The following VWDE variants were observed in gnomAD, a reference collection of about 807,000 sequenced individuals.
The protein encoded by VWDE is von Willebrand factor D and EGF domains.
A neutral mutation model predicts 178.4 loss-of-function variants in VWDE; 207 were observed. The observed-to-expected ratio is 1.16, with a 90% CI of 1.04 to 1.30. VWDE has a LOEUF of 1.30. Among genes scored for constraint, VWDE ranks in the 50% most tolerant of loss-of-function variants. VWDE has a pLI of 0.00. For missense variants in VWDE, 2,287 were observed against 1,901.3 expected (o/e 1.20, Z -3.77); for synonymous variants, 738 against 651.4 (o/e 1.13, Z -2.02).
chr7:12,333,012 TTG>T (rs781469507), intron 28 of VWDE, among the ~76,000 whole-genome samples: 1 of 152,220 alleles, frequency 6.6e-6, no homozygotes, highest in Non-Finnish European at 1.5e-5. Context: ...AGAACTACCC[TTG>T]TGTGTATAGG....
Position 12,336,234 on chromosome 7 carries a change from T to C in VWDE, c.4561A>G (p.Ile1521Val), listed in dbSNP as rs1487087332. The change falls in exon 27 of 29, where the codon ATC (isoleucine) becomes GTC (valine). Residue 1521 changes from isoleucine (I) to valine (V), a missense_variant and splice_region_variant. Ile to Val is a conservative substitution (Grantham distance 29, BLOSUM62 3). Transcript: ENST00000275358. ...CCGTTTTTACATTTCTGCAAGCAGA[T>C]AGCTGCCAATCGAAATATAAACAAG... The part of the protein sequence containing the change: ...GWSGKRCNTP[I>V]CLQKCKNGGE... 1 of 1,550,832 alleles carries C rather than the reference T, an allele frequency of 6.4e-7. No homozygotes were observed. The highest frequency in any genetic ancestry group is 1.2e-5 in the South Asian group (1 of 83,958).
chr7:12,387,167 A>G (rs1784142572), intron 3 of VWDE, among the ~76,000 whole-genome samples: 1 of 152,178 alleles, frequency 6.6e-6, no homozygotes, highest in Non-Finnish European at 1.5e-5. Flanking sequence ...TTATATGTTG[A>G]GAACATTGTC....
At position 12,337,069 on chromosome 7, in the gene VWDE, T is replaced by A; in HGVS notation, c.4477A>T (p.Thr1493Ser). Reference sequence around the variant, plus strand: ...ACACATTTTCCTCCATTCATGCACGTAGGATCACAGATGCCTTAAGGTAAA... The same window carrying A: ...ACACATTTTCCTCCATTCATGCACGAAGGATCACAGATGCCTTAAGGTAAA... The part of the protein sequence containing the change: ...RRFQKSICDP[T>S]CMNGGKCVGP... The change falls in exon 26 of 29, where the codon ACG becomes TCG. Residue 1493 changes from threonine to serine, a missense_variant. Transcript: ENST00000275358. 1 of 1,551,638 alleles carries A rather than the reference T, an allele frequency of 6.4e-7. No individual in the cohort carries two copies. Among genetic ancestry groups the A allele is most frequent in the East Asian group, 2.4e-5 (1 of 40,914 alleles).
intron 12 of VWDE, 64 bp from the exon 13 acceptor site, chr7:12,367,557 A>C: frequency 1.5e-6 from 2 of 1,307,686 alleles, no homozygotes; most frequent in Non-Finnish European, 2.0e-6. Flanking sequence ...AAAACTAATT[A>C]TTTCCAAGCC....
chr7:12,397,200 T>C (rs113993839), intron 1 of VWDE, among the ~76,000 whole-genome samples: 148 of 152,178 alleles, frequency 9.7e-4, no homozygotes, highest in Admixed American at 3.8e-3. Flanking sequence ...CTAAACATCA[T>C]AGTAGTCATT....
chr7:12,343,324 G>A (rs982906537), intron 21 of VWDE, 146 bp from the exon 22 acceptor site: 2 of 516,594 alleles, frequency 3.9e-6, no homozygotes, highest in Non-Finnish European at 6.9e-6. Context: ...TTAGTTCTGT[G>A]GGACTGACTA....
chr7:12,403,614 G>T (rs1412448506), intron 1 of VWDE, 45 bp downstream of exon 1: 12 of 1,519,176 alleles, frequency 7.9e-6, no homozygotes, highest in Non-Finnish European at 1.1e-5. Flanking sequence ...TACCGCCCAC[G>T]CGGCGCCACT....
chr7:12,351,888 T>C (rs1336663315), intron 18 of VWDE, among the ~76,000 whole-genome samples, 175 bp from the exon 19 acceptor site: 1 of 152,176 alleles, frequency 6.6e-6, no homozygotes, highest in East Asian at 1.9e-4. Context: ...TGAATTGTGT[T>C]CCCCTAAAAT....
At chr7:12,380,937 C>T (rs55690557) in intron 4 of VWDE, among the ~76,000 whole-genome samples, 3 of 152,032 alleles carry the variant, frequency 2.0e-5, no homozygotes, top group Admixed American at 1.3e-4. Flanking sequence ...AGCCAAGCAA[C>T]GTTATCAGCT....
At chr7:12,398,862 G>A (rs1022988759) in intron 1 of VWDE, among the ~76,000 whole-genome samples, 1 of 152,104 alleles carries the variant, frequency 6.6e-6, no homozygotes, top group Non-Finnish European at 1.5e-5. Context: ...CAGACATAAA[G>A]ATGGGAACAA....
chr7:12,384,603 T>C (rs1161356830), intron 3 of VWDE, among the ~76,000 whole-genome samples: 1 of 152,110 alleles, frequency 6.6e-6, no homozygotes, highest in Admixed American at 6.6e-5. Context: ...GTGGGAGATT[T>C]ACAGAGTATA....
chr7:12,343,963 A>T (rs1014437817), intron 21 of VWDE, among the ~76,000 whole-genome samples: 1 of 152,110 alleles, frequency 6.6e-6, no homozygotes, highest in Non-Finnish European at 1.5e-5. Flanking sequence ...TAATTTTACC[A>T]ATAACAAATA....
At chr7:12,384,863 C>A (rs1784021871) in intron 3 of VWDE, among the ~76,000 whole-genome samples, 1 of 152,028 alleles carries the variant, frequency 6.6e-6, no homozygotes, top group African/African-American at 2.4e-5. Context: ...AGTATTTAAA[C>A]TAAAAGACAC....
In VWDE at chr7:12,385,497, T is replaced by G. The variant is rs184938654; in HGVS notation, c.476-1896A>C. Among the ~76,000 whole-genome samples the G allele has an allele frequency of 7.9e-5, 12 of 152,312 alleles. No homozygotes were observed. The East Asian group carries it at 2.3e-3, about 29-fold the overall frequency. On this transcript the variant is annotated intron_variant, in intron 3 of 28. Coordinates refer to ENST00000275358, the MANE Select transcript of VWDE (RefSeq NM_001135924.3). ...ACCTTTTGAACTTTCTCTTTTATCC[T>G]GTCTAAATGCAGATAAAGAGGCTAA...
chr7:12,391,604 A>C (rs1784391816), intron 2 of VWDE, among the ~76,000 whole-genome samples: 1 of 152,096 alleles, frequency 6.6e-6, no homozygotes. Flanking sequence ...TAAATTCTGA[A>C]TTTTTTTTAG....
intron 3 of VWDE, among the ~76,000 whole-genome samples, chr7:12,385,033 T>C (rs1784030709): frequency 6.6e-6 from 1 of 152,164 alleles, no homozygotes; most frequent in South Asian, 2.1e-4. Flanking sequence ...CATATTTCCA[T>C]AGAGTCTTCT....
intron 2 of VWDE, among the ~76,000 whole-genome samples, chr7:12,390,708 A>C (rs1784345591): frequency 6.6e-6 from 1 of 152,022 alleles, no homozygotes; most frequent in South Asian, 2.1e-4. Flanking sequence ...AAATGTACAA[A>C]TAGGTAATTC....
In VWDE at chr7:12,344,278, G is replaced by T; in HGVS notation, c.3995C>A (p.Pro1332His). 4 of 1,551,042 alleles carry T rather than the reference G, an allele frequency of 2.6e-6. No homozygotes were observed. The highest frequency in any genetic ancestry group is 3.5e-6 in the Non-Finnish European group (4 of 1,146,590). The change falls in exon 21 of 29, where the codon CCT (proline) becomes CAT (histidine). Residue 1332 changes from proline to histidine, a missense_variant. Physicochemically the swap from Pro to His is moderately conservative, Grantham distance 77. Coordinates refer to ENST00000275358, the MANE Select transcript of VWDE (RefSeq NM_001135924.3). ...GSNCQTALCD[P>H]DCKNHGKCIK... ...ACATTTTCCATGGTTTTTGCAATCA[G>T]GGTCACAAAGAGCTGTATAAAATAA...
rs1223299788 is a variant in VWDE at position 12,367,420 on chromosome 7, C to G, written c.2835G>C (p.Val945=). The G allele has an allele frequency of 6.5e-7, 1 of 1,546,764 alleles. No homozygotes were observed. Among genetic ancestry groups the G allele is most frequent in the East Asian group, 2.5e-5 (1 of 40,526 alleles). Residue 945 remains valine, a synonymous_variant, in exon 13 of 29, where the codon GTG becomes GTC. Transcript: ENST00000275358. ...CDVQKYNCMM[V]RVFGKGFKEL... is the part of the protein sequence containing the mutation. ...CTTTGAAGCCTTTGCCAAAAACTCT[C>G]ACCATCATACAATTATATTTTTGAA...
Sources: gnomAD v4.1 joint callset for allele counts (sites outside exome capture counted in the v4.1 genomes callset) on GRCh38, gnomAD v4.1.1 for gene constraint, MANE v1.5 for transcripts, NCBI Gene and HGNC (gene_info 2026-07-23, HGNC 2026-07-21) for gene names.